Variants in PTPRE observed in about 807,000 individuals in gnomAD.
The protein encoded by PTPRE is receptor-type tyrosine-protein phosphatase epsilon.
In PTPRE, 51 loss-of-function variants were observed where a neutral mutation model predicts 102.0. The observed-to-expected ratio is 0.50, with a 90% CI of 0.40 to 0.63. PTPRE has a LOEUF of 0.63. Ranked by LOEUF, PTPRE falls within the 30% of genes least tolerant of loss-of-function variation. The pLI is 0.00. For missense variants in PTPRE, 752 were observed against 915.1 expected, an observed-to-expected ratio of 0.82 and a Z score of 2.30; for synonymous variants, 345 against 348.2, an observed-to-expected ratio of 0.99 and a Z score of 0.10.
At chr10:127,979,675 T>C (rs1232430559) in intron 1 of PTPRE, among the ~76,000 whole-genome samples, 2 of 152,218 alleles carry the variant, frequency 1.3e-5, no homozygotes, top group Non-Finnish European at 2.9e-5. Context: ...ATTCTTGCCT[T>C]ATTTTTTAAA....
chr10:128,001,819 G>A (rs148045707), intron 2 of PTPRE, among the ~76,000 whole-genome samples: 19 of 152,318 alleles, frequency 1.2e-4, no homozygotes, highest in Admixed American at 9.8e-4. Context: ...CTGGGCAAAC[G>A]TAAGAAAGCA....
At chr10:128,027,712 T>A (rs566827078) in intron 2 of PTPRE, among the ~76,000 whole-genome samples, 12 of 152,292 alleles carry the variant, frequency 7.9e-5, no homozygotes, top group Admixed American at 2.0e-4. Flanking sequence ...CGTGCATGAA[T>A]GGATGGGCCT....
At position 128,080,154 on chromosome 10, in the gene PTPRE, G is replaced by A. The variant is rs117557390; in HGVS notation, c.2028+459G>A. Among the ~76,000 whole-genome samples, 28 of 152,258 alleles carry A rather than the reference G, an allele frequency of 1.8e-4. 1 individual carries two copies. The East Asian group carries it at 5.0e-3, about 27-fold the overall frequency. The stretch of plus-strand genomic sequence containing the variant: ...CACTCAGCCTCAAGATACCGTCCAC[G>A]GGCTGCAGGAATCCCTAATGTATTA... On this transcript the variant is annotated intron_variant, in intron 20 of 20. Coordinates refer to ENST00000254667, the MANE Select transcript of PTPRE (RefSeq NM_006504.6).
chr10:128,031,403 G>A (rs1292993327), intron 2 of PTPRE, among the ~76,000 whole-genome samples: 4 of 152,232 alleles, frequency 2.6e-5, no homozygotes, highest in African/African-American at 4.8e-5. Flanking sequence ...GAGACAGCGG[G>A]AGGGCTGTGC....
intron 20 of PTPRE, among the ~76,000 whole-genome samples, chr10:128,082,208 T>C (rs1269342992): frequency 0.023 from 3,083 of 135,060 alleles, 407 homozygotes; most frequent in African/African-American, 0.082. Flanking sequence ...TTTTTTTTTT[T>C]TTTTTTTTTT....
chr10:128,077,550 G>A, intron 18 of PTPRE, 67 bp from the exon 19 acceptor site: 1 of 1,533,846 alleles, frequency 6.5e-7, no homozygotes, highest in Non-Finnish European at 8.8e-7. Context: ...TCCCTGAGAG[G>A]GCAGATGGGG....
rs1217098313 is a variant in PTPRE at position 127,907,529 on chromosome 10, C to T, written c.-31+220C>T. Among the ~76,000 whole-genome samples, 5 of 151,920 alleles carry T rather than the reference C, an allele frequency of 3.3e-5. No homozygotes were observed. Among genetic ancestry groups the T allele is most frequent in the Admixed American group, 1.3e-4 (2 of 15,280 alleles). ...GACCCCGGCCTGTGGCGCGTCCCCTCACCCGGAGTCCCCAGCCCAACTTGG... is the reference window on the plus strand; with the variant it reads ...GACCCCGGCCTGTGGCGCGTCCCCTTACCCGGAGTCCCCAGCCCAACTTGG... On this transcript the variant is annotated intron_variant, in intron 1 of 20. Transcript: ENST00000254667. The surrounding 1 kb of genome is among the most constrained non-coding windows in gnomAD (Gnocchi z 4.8).
At chr10:127,986,195 T>G (rs995787269) in intron 2 of PTPRE, among the ~76,000 whole-genome samples, 20 of 152,204 alleles carry the variant, frequency 1.3e-4, no homozygotes, top group Non-Finnish European at 2.9e-5. Flanking sequence ...TTCCCATGTT[T>G]TCCTTTCCTT....
At chr10:127,969,671 G>GAA (rs531783585) in intron 1 of PTPRE, among the ~76,000 whole-genome samples, 1 of 74,388 alleles carries the variant, frequency 1.3e-5, no homozygotes, top group Non-Finnish European at 2.5e-5. Flanking sequence ...TGCCTAAAAA[G>GAA]AAAAAAAAAA....
At chr10:128,004,239 C>G (rs1212968356) in intron 2 of PTPRE, among the ~76,000 whole-genome samples, 1 of 151,106 alleles carries the variant, frequency 6.6e-6, no homozygotes, top group Non-Finnish European at 1.5e-5. Flanking sequence ...GCCCTTCATC[C>G]CAAAGCGCAG....
chr10:127,981,499 T>TA (rs148346973), intron 1 of PTPRE, among the ~76,000 whole-genome samples: 7,901 of 151,894 alleles, frequency 0.052, 577 homozygotes, highest in African/African-American at 0.16. Context: ...TGTTTTTTTT[T>TA]AAAAAATAAA....
chr10:128,060,944 C>A lies in PTPRE; in HGVS notation c.517C>A (p.His173Asn). ...TGTTTGGGTTTTTTTTCCAGATGAC[C>A]ATTCTAGGGTGATTCTGAGCCAACT... ...NRYPNILPNDHSRVILSQLDG... is the reference protein window; with the variant it reads ...NRYPNILPNDNSRVILSQLDG... Residue 173 changes from histidine to asparagine, a missense_variant, in exon 8 of 21, where the codon CAT becomes AAT. By Grantham distance (68) the His-to-Asn change is moderately conservative. Around this residue, in one of 2 missense-constraint regions of PTPRE, gnomAD observed 636 missense variants for 824.4 expected, o/e 0.77. Transcript: ENST00000254667. The A allele has an allele frequency of 6.2e-7, 1 of 1,613,956 alleles. No homozygotes were observed. Among genetic ancestry groups the A allele is most frequent in the Non-Finnish European group, 8.5e-7 (1 of 1,179,910 alleles).
intron 1 of PTPRE, among the ~76,000 whole-genome samples, chr10:127,939,926 GCAGGAGGAGA>G (rs1298508042): frequency 2.0e-5 from 3 of 151,742 alleles, no homozygotes; most frequent in East Asian, 3.9e-4. Flanking sequence ...GCAGGTGGAG[GCAGGAGGAGA>G]CAGGAGGAGG....
chr10:128,078,015 A>T (rs1323264443), intron 19 of PTPRE, among the ~76,000 whole-genome samples: 1 of 152,236 alleles, frequency 6.6e-6, no homozygotes, highest in African/African-American at 2.4e-5. Context: ...TGCAGAATGC[A>T]CTTCAGAGGG....
intron 12 of PTPRE, 128 bp downstream of exon 12, chr10:128,068,414 C>A: frequency 9.3e-7 from 1 of 1,075,900 alleles, no homozygotes; most frequent in South Asian, 1.7e-5. Context: ...GATGTGAACA[C>A]AAATGTCAGT....
chr10:127,925,746 A>C (rs1041337762), intron 1 of PTPRE, among the ~76,000 whole-genome samples: 2 of 152,078 alleles, frequency 1.3e-5, no homozygotes, highest in Admixed American at 1.3e-4. Flanking sequence ...TGATGGTTGG[A>C]GTCTGTGTCA....
intron 7 of PTPRE, among the ~76,000 whole-genome samples, chr10:128,059,195 T>G (rs1279554509): frequency 2.0e-5 from 3 of 152,150 alleles, no homozygotes; most frequent in Non-Finnish European, 4.4e-5. Flanking sequence ...TTTCAACTAG[T>G]GTTATATGTG....
chr10:128,014,995 A>T (rs1845306182), intron 2 of PTPRE, among the ~76,000 whole-genome samples: 1 of 152,148 alleles, frequency 6.6e-6, no homozygotes, highest in Non-Finnish European at 1.5e-5. Context: ...TTCCCGAGAG[A>T]AGACAGATCT....
chr10:128,071,930 T>TG, intron 15 of PTPRE: 1 of 536,360 alleles, frequency 1.9e-6, no homozygotes, highest in Non-Finnish European at 3.3e-6. Context: ...AAATGATAAT[T>TG]GGGTGGTTTT....
Sources: gnomAD v4.1 joint callset for allele counts (sites outside exome capture counted in the v4.1 genomes callset) on GRCh38, gnomAD v4.1.1 for gene constraint, gnomAD v4.1.1 regional missense constraint, Gnocchi (gnomAD v3.1) non-coding constraint, MANE v1.5 for transcripts, NCBI Gene and HGNC (gene_info 2026-07-23, HGNC 2026-07-21) for gene names.